C2CD5: variants seen among roughly 807,000 people sequenced by gnomAD.
The protein encoded by C2CD5 is C2 domain-containing protein 5.
A neutral mutation model predicts 130.3 loss-of-function variants in C2CD5; 109 were observed. The ratio of observed to expected loss-of-function variants is 0.84; its 90% CI spans 0.72 to 0.98. The LOEUF (loss-of-function observed/expected upper bound fraction) is 0.98, where lower values mean the gene tolerates loss of function less well. Ranked by LOEUF, C2CD5 falls within the 50% of genes least tolerant of loss-of-function variation. C2CD5 has a pLI of 0.00. For synonymous variants in C2CD5, 454 were observed against 429.2 expected (o/e 1.06, Z -0.71); for missense variants, 996 against 1,261.8 (o/e 0.79, Z 3.19).
At chr12:22,487,285 A>G (rs1945669386) in intron 12 of C2CD5, among the ~76,000 whole-genome samples, 1 of 152,238 alleles carries the variant, frequency 6.6e-6, no homozygotes, top group South Asian at 2.1e-4. Context: ...AGAATGGGAG[A>G]AAATTTTTGC....
chr12:22,474,714 C>T lies in C2CD5; in HGVS notation c.2043+37G>A, dbSNP rs183043427. 30 of 1,518,774 alleles carry T rather than the reference C, an allele frequency of 2.0e-5. No homozygotes were observed. In the African/African-American group the frequency reaches 4.1e-4, roughly 21 times the overall value. 94.1% of individuals were successfully genotyped at this position (1,518,774 alleles called of 1,614,324 possible). On this transcript the variant is annotated intron_variant, in intron 16 of 26. Transcript: ENST00000446597. ...CGTGAAAAAATGTGTATCTTAGCTT[C>T]CAAAACCTTTAAGAAATTAGTCCAA...
intron 12 of C2CD5, among the ~76,000 whole-genome samples, chr12:22,486,780 T>C (rs2076072162): frequency 1.3e-5 from 2 of 152,168 alleles, no homozygotes; most frequent in Admixed American, 6.6e-5. Context: ...AACTAGAGTG[T>C]GTAGTGTAAG....
At chr12:22,524,236 T>C (rs1401660310) in intron 6 of C2CD5, among the ~76,000 whole-genome samples, 1 of 152,160 alleles carries the variant, frequency 6.6e-6, no homozygotes, top group Non-Finnish European at 1.5e-5. Context: ...TCAGCGCTCT[T>C]TCCACTACAC....
chr12:22,476,377 T>C (rs1307867298), intron 15 of C2CD5, among the ~76,000 whole-genome samples: 2 of 152,136 alleles, frequency 1.3e-5, no homozygotes, highest in African/African-American at 2.4e-5. Context: ...GACTATAATG[T>C]AGTCAGTATC....
At chr12:22,511,122 C>G (rs369413655) in intron 9 of C2CD5, among the ~76,000 whole-genome samples, 68 of 147,564 alleles carry the variant, frequency 4.6e-4, no homozygotes, top group African/African-American at 1.7e-3. Context: ...ACAACTACTA[C>G]TTGAATAATC....
chr12:22,470,970 T>C, intron 20 of C2CD5, 59 bp from the exon 21 acceptor site: 1 of 1,253,192 alleles, frequency 8.0e-7, no homozygotes, highest in Non-Finnish European at 1.2e-6. Context: ...CTAAGTTTCT[T>C]ACATATTTTT....
chr12:22,513,540 T>G (rs2136878889), intron 8 of C2CD5, 161 bp from the exon 9 acceptor site: 1 of 600,076 alleles, frequency 1.7e-6, no homozygotes, highest in African/African-American at 1.9e-5. Flanking sequence ...TTACTCTACT[T>G]TTATTCACAG....
At chr12:22,490,386 A>G (rs1946184625) in intron 11 of C2CD5, among the ~76,000 whole-genome samples, 168 bp from the exon 12 acceptor site, 1 of 152,254 alleles carries the variant, frequency 6.6e-6, no homozygotes, top group Non-Finnish European at 1.5e-5. Flanking sequence ...CCTAGAAAAC[A>G]GAAGTAACTT....
intron 10 of C2CD5, among the ~76,000 whole-genome samples, chr12:22,499,791 C>A (rs1195119379): frequency 6.6e-6 from 1 of 152,204 alleles, no homozygotes; most frequent in Non-Finnish European, 1.5e-5. Context: ...CCTGGCATTT[C>A]TCAAAGTCTG....
intron 26 of C2CD5, 88 bp downstream of exon 26, chr12:22,453,808 A>G: frequency 8.4e-7 from 1 of 1,185,504 alleles, no homozygotes. Context: ...TCTAAAGAGC[A>G]ATTCTCTTTT....
intron 7 of C2CD5, 26 bp from the exon 8 acceptor site, chr12:22,518,163 T>C (rs1453634755): frequency 6.2e-7 from 1 of 1,610,546 alleles, no homozygotes; most frequent in Non-Finnish European, 8.5e-7. Flanking sequence ...GGAGAAATAT[T>C]AAGTAATCAT....
chr12:22,516,152 C>A (rs1033577164), intron 8 of C2CD5, among the ~76,000 whole-genome samples: 3 of 151,568 alleles, frequency 2.0e-5, no homozygotes, highest in African/African-American at 7.3e-5. Flanking sequence ...CATTATTTCT[C>A]AAGACACTGA....
At chr12:22,451,861 G>T (rs1201557576) in intron 26 of C2CD5, among the ~76,000 whole-genome samples, 1 of 152,118 alleles carries the variant, frequency 6.6e-6, no homozygotes, top group Non-Finnish European at 1.5e-5. Context: ...TGTCTTGTAA[G>T]AAATCATTGA....
intron 4 of C2CD5, among the ~76,000 whole-genome samples, chr12:22,527,381 C>T (rs1297434078): frequency 6.8e-6 from 1 of 146,614 alleles, no homozygotes; most frequent in Non-Finnish European, 1.5e-5. Context: ...GCACAGGACA[C>T]GATCTCAGCT....
At chr12:22,499,941 A>G (rs139080253) in intron 10 of C2CD5, among the ~76,000 whole-genome samples, 3,138 of 152,298 alleles carry the variant, frequency 0.021, 115 homozygotes, top group African/African-American at 0.069. Context: ...TAATCCCCAC[A>G]CTTTGGGAGG....
intron 8 of C2CD5, 75 bp from the exon 9 acceptor site, chr12:22,513,454 T>A: frequency 1.1e-6 from 1 of 874,838 alleles, no homozygotes; most frequent in Non-Finnish European, 2.0e-6. Flanking sequence ...TTCATCTTCA[T>A]AAACATCATG....
At chr12:22,502,905 CGACAGGAACTGGAAAGACATA>C in intron 10 of C2CD5, 1 of 653,348 alleles carries the variant, frequency 1.5e-6, no homozygotes, top group Non-Finnish European at 2.7e-6. Flanking sequence ...CAACACCACT[CGACAGGAACTGGAAAGACATA>C]GACAGCAGAG....
chr12:22,501,154 A>G (rs1218632453), intron 10 of C2CD5, among the ~76,000 whole-genome samples: 1 of 152,216 alleles, frequency 6.6e-6, no homozygotes. Flanking sequence ...CTAATTAATC[A>G]AAAGCATACT....
At chr12:22,451,494 T>C (rs1369768646) in intron 26 of C2CD5, among the ~76,000 whole-genome samples, 2 of 152,188 alleles carry the variant, frequency 1.3e-5, no homozygotes, top group Non-Finnish European at 2.9e-5. Flanking sequence ...GCACCTGATA[T>C]GATGTGTACA....
Sources: allele counts gnomAD v4.1 joint callset (sites outside exome capture counted in the v4.1 genomes callset), GRCh38; gene constraint gnomAD v4.1.1; transcripts MANE v1.5; gene names NCBI Gene and HGNC (gene_info 2026-07-23, HGNC 2026-07-21).